CDK14: variants seen among roughly 807,000 people sequenced by gnomAD.
CDK14 encodes cyclin dependent kinase 14.
A neutral mutation model predicts 60.7 loss-of-function variants in CDK14; 34 were observed. The ratio of observed to expected loss-of-function variants is 0.56; its 90% CI spans 0.43 to 0.75. The LOEUF is 0.75. Ranked by LOEUF, CDK14 falls within the 30% of genes least tolerant of loss-of-function variation. The pLI is 0.00. For missense variants in CDK14, 482 were observed against 564.1 expected, an observed-to-expected ratio of 0.85 and a Z score of 1.47; for synonymous variants, 197 against 203.7, an observed-to-expected ratio of 0.97 and a Z score of 0.28.
intron 5 of CDK14, among the ~76,000 whole-genome samples, chr7:90,841,708 A>G (rs1790299339): frequency 1.5e-5 from 2 of 136,356 alleles, no homozygotes; most frequent in Non-Finnish European, 3.2e-5. Context: ...CAGCTTTCCC[A>G]GTGGAACAAA....
chr7:91,189,704 A>G lies in CDK14; in HGVS notation c.*29-17461A>G, dbSNP rs1233313711. Among the ~76,000 whole-genome samples, 5 of 152,194 alleles carry G rather than the reference A, an allele frequency of 3.3e-5. No individual in the cohort carries two copies. The East Asian group carries it at 5.8e-4, about 18-fold the overall frequency. On this transcript the variant is annotated intron_variant, in intron 14 of 14. Coordinates refer to ENST00000380050, the MANE Select transcript of CDK14 (RefSeq NM_001287135.2). ...GAGTGTCGATGTATCCAGTACTACT[A>G]TTGATTTTTCAACATGAAAGCATGA...
intron 10 of CDK14, among the ~76,000 whole-genome samples, chr7:91,039,542 T>G (rs1195857026): frequency 6.6e-6 from 1 of 152,148 alleles, no homozygotes. Flanking sequence ...TGTTACTAGT[T>G]TATTTGTTTG....
At chr7:90,830,762 T>A (rs918410156) in intron 5 of CDK14, among the ~76,000 whole-genome samples, 1 of 152,218 alleles carries the variant, frequency 6.6e-6, no homozygotes, top group Non-Finnish European at 1.5e-5. Flanking sequence ...ACTCAGGCTC[T>A]GCTGCTTTGC....
intron 14 of CDK14, among the ~76,000 whole-genome samples, chr7:91,149,148 G>A (rs1407310057): frequency 6.6e-6 from 1 of 152,122 alleles, no homozygotes; most frequent in Non-Finnish European, 1.5e-5. Context: ...CCTTGAAGAA[G>A]GGAAGTAGTA....
chr7:90,653,837 G>A (rs1400701054), intron 2 of CDK14, among the ~76,000 whole-genome samples: 3 of 151,992 alleles, frequency 2.0e-5, no homozygotes, highest in Admixed American at 6.6e-5. Context: ...CTGATGACAG[G>A]CCCCAGTGTG....
intron 14 of CDK14, among the ~76,000 whole-genome samples, chr7:91,148,029 T>A (rs551701444): frequency 6.6e-6 from 1 of 152,214 alleles, no homozygotes; most frequent in East Asian, 1.9e-4. Flanking sequence ...GGCTTCTGAG[T>A]ATGTTTGAAT....
At chr7:90,632,086 A>G (rs1177404330) in intron 2 of CDK14, 1 of 153,802 alleles carries the variant, frequency 6.5e-6, no homozygotes, top group Non-Finnish European at 1.5e-5. Flanking sequence ...GCATGCAGTT[A>G]TAATCCATCT....
chr7:91,043,664 C>G (rs527786244), intron 10 of CDK14, among the ~76,000 whole-genome samples: 6 of 152,198 alleles, frequency 3.9e-5, no homozygotes, highest in Non-Finnish European at 8.8e-5. Flanking sequence ...CCTCCTTCCC[C>G]TTCGTCATCC....
chr7:91,051,081 G>GA (rs754024995), intron 11 of CDK14, among the ~76,000 whole-genome samples: 20 of 152,154 alleles, frequency 1.3e-4, no homozygotes, highest in Non-Finnish European at 2.9e-4. Context: ...TGATCTCTGG[G>GA]AAAATATGTA....
chr7:90,870,131 G>A (rs1248400808), intron 6 of CDK14, among the ~76,000 whole-genome samples: 1 of 152,170 alleles, frequency 6.6e-6, no homozygotes, highest in African/African-American at 2.4e-5. Flanking sequence ...GAAAGAAATT[G>A]TGATACATAT....
chr7:91,136,929 G>A (rs775092664), intron 14 of CDK14, among the ~76,000 whole-genome samples: 3 of 152,130 alleles, frequency 2.0e-5, no homozygotes, highest in East Asian at 1.9e-4. Flanking sequence ...TTTGAAATTC[G>A]CATGAGCCAT....
chr7:91,116,861 T>A (rs899982868), intron 13 of CDK14, among the ~76,000 whole-genome samples: 1 of 151,866 alleles, frequency 6.6e-6, no homozygotes, highest in South Asian at 2.1e-4. Context: ...ACTCCTTTGC[T>A]GATTTCTCCT....
At chr7:91,099,192 A>G (rs1799090878) in intron 12 of CDK14, among the ~76,000 whole-genome samples, 1 of 152,132 alleles carries the variant, frequency 6.6e-6, no homozygotes, top group Admixed American at 6.5e-5. Context: ...TCCATTTACC[A>G]TAATGCAGAT....
At chr7:91,179,824 T>G (rs1229613017) in intron 14 of CDK14, among the ~76,000 whole-genome samples, 4 of 152,122 alleles carry the variant, frequency 2.6e-5, no homozygotes, top group Non-Finnish European at 5.9e-5. Context: ...AGTTTACTTT[T>G]ATTTTTAATA....
chr7:91,049,649 A>G (rs1797337304), intron 11 of CDK14, among the ~76,000 whole-genome samples: 3 of 152,246 alleles, frequency 2.0e-5, no homozygotes, highest in Admixed American at 2.0e-4. Context: ...GGCCATGAAT[A>G]AATCTCTTGG....
intron 13 of CDK14, among the ~76,000 whole-genome samples, chr7:91,114,496 A>G (rs1005927171): frequency 2.0e-5 from 3 of 152,176 alleles, no homozygotes; most frequent in Non-Finnish European, 4.4e-5. Flanking sequence ...TTGTAATTTT[A>G]CAGATTAAGA....
intron 11 of CDK14, among the ~76,000 whole-genome samples, chr7:91,060,778 A>C (rs187148238): frequency 0.025 from 3,830 of 152,300 alleles, 69 homozygotes; most frequent in South Asian, 0.058. Flanking sequence ...AGCTGTTAGT[A>C]TGATGGGCTT....
intron 5 of CDK14, among the ~76,000 whole-genome samples, chr7:90,830,803 A>G (rs371755999): frequency 6.6e-6 from 1 of 152,244 alleles, no homozygotes; most frequent in East Asian, 1.9e-4. Flanking sequence ...CAGATATCCT[A>G]ATTCATCTTT....
chr7:91,123,277 G>A (rs944119447), intron 14 of CDK14, among the ~76,000 whole-genome samples: 1 of 151,930 alleles, frequency 6.6e-6, no homozygotes, highest in Non-Finnish European at 1.5e-5. Context: ...AGATTTCTGG[G>A]GTTTTTCCTG....
Sources: gnomAD v4.1 joint callset for allele counts (sites outside exome capture counted in the v4.1 genomes callset) on GRCh38, gnomAD v4.1.1 for gene constraint, MANE v1.5 for transcripts, NCBI Gene and HGNC (gene_info 2026-07-23, HGNC 2026-07-21) for gene names.